PGM5: variants seen among roughly 807,000 people sequenced by gnomAD.
PGM5 encodes phosphoglucomutase 5.
In PGM5, 23 loss-of-function variants were observed where a neutral mutation model predicts 59.2. That is an observed-to-expected ratio of 0.39 (90% CI 0.28 to 0.55). The LOEUF is 0.55. Ranked by LOEUF, PGM5 falls within the 20% of genes least tolerant of loss-of-function variation. PGM5 has a pLI of 0.66. For missense variants in PGM5, 574 were observed against 748.3 expected (o/e 0.77, Z 2.72); for synonymous variants, 214 against 286.0 (o/e 0.75, Z 2.54).
At chr9:68,475,993 C>G (rs1356851138) in intron 7 of PGM5, among the ~76,000 whole-genome samples, 3 of 152,184 alleles carry the variant, frequency 2.0e-5, no homozygotes, top group African/African-American at 4.8e-5. Flanking sequence ...TGTACTCCAG[C>G]CTGGGTGACA....
At chr9:68,415,815 C>CTATCTATCTATCTATA (rs1563999509) in intron 6 of PGM5, among the ~76,000 whole-genome samples, 2 of 60,288 alleles carry the variant, frequency 3.3e-5, no homozygotes, top group Admixed American at 1.9e-4. Flanking sequence ...ATCTATCTAT[C>CTATCTATCTATCTATA]TTATCTATCT....
intron 7 of PGM5, among the ~76,000 whole-genome samples, chr9:68,467,328 T>G (rs1315628217): frequency 6.6e-6 from 1 of 152,248 alleles, no homozygotes; most frequent in Non-Finnish European, 1.5e-5. Flanking sequence ...CTCCTCTTTC[T>G]CCTATGCTTT....
chr9:68,400,804 A>ACAGCAAATACAGCAAATACATCTCAC (rs1822648507), intron 6 of PGM5: 1 of 152,578 alleles, frequency 6.6e-6, no homozygotes, highest in African/African-American at 2.4e-5. Flanking sequence ...AATACAGCTT[A>ACAGCAAATACAGCAAATACATCTCAC]ATCAATGTGA....
At chr9:68,518,929 T>C (rs1824859773) in intron 10 of PGM5, among the ~76,000 whole-genome samples, 2 of 152,206 alleles carry the variant, frequency 1.3e-5, no homozygotes, top group African/African-American at 4.8e-5. Flanking sequence ...GTCAGCCCAC[T>C]GATTCTAGAA....
rs556494706 is a variant in PGM5, at chr9:68,506,388, G to A, written c.1614+7027G>A. On this transcript the variant is annotated intron_variant, in intron 10 of 10. Transcript: ENST00000396396. Reference sequence around the variant, plus strand: ...TTTCTGTTCATAAATGTTATCTGACGTCGTGGCAGCTCCAAGTTGCTCTGA... The same window carrying A: ...TTTCTGTTCATAAATGTTATCTGACATCGTGGCAGCTCCAAGTTGCTCTGA... Among the ~76,000 whole-genome samples, 9 of 152,238 alleles carry A rather than the reference G, an allele frequency of 5.9e-5. No homozygotes were observed. In the East Asian group the frequency reaches 1.2e-3, roughly 20 times the overall value.
chr9:68,413,509 T>G (rs1411498324), intron 6 of PGM5, among the ~76,000 whole-genome samples: 1 of 152,210 alleles, frequency 6.6e-6, no homozygotes, highest in Non-Finnish European at 1.5e-5. Context: ...ATCACTTACC[T>G]AGAATTAATT....
rs141069093 is a variant in PGM5, at chr9:68,380,972, A to G, written c.424+2611A>G. Among the ~76,000 whole-genome samples, 9 of 152,060 alleles carry G rather than the reference A, an allele frequency of 5.9e-5. No homozygotes were observed. The East Asian group carries it at 1.7e-3, about 29-fold the overall frequency. ...TTCCAAAATAGAAAAGCCTAGGACC[A>G]AACGGCTTCATGGCTGAATTTTATC... On this transcript the variant is annotated intron_variant, in intron 2 of 10. Transcript: ENST00000396396.
chr9:68,416,612 T>G (rs12684129), intron 6 of PGM5, among the ~76,000 whole-genome samples: 1 of 152,238 alleles, frequency 6.6e-6, no homozygotes, highest in Non-Finnish European at 1.5e-5. Flanking sequence ...TCTTCTCATT[T>G]GGCGTTGAGA....
intron 6 of PGM5, among the ~76,000 whole-genome samples, chr9:68,404,844 A>G (rs1822764911): frequency 2.0e-5 from 3 of 152,332 alleles, no homozygotes; most frequent in Admixed American, 1.3e-4. Context: ...ATTAGAGAAA[A>G]CTAGCTGAAA....
rs1834652010 is a variant in PGM5, at chr9:68,364,993, C to A, written c.261+7605C>A. Among the ~76,000 whole-genome samples, 4 of 152,210 alleles carry A rather than the reference C, an allele frequency of 2.6e-5. No homozygotes were observed. The South Asian group carries it at 8.3e-4, about 32-fold the overall frequency. ...TCAGCAACATTATGCGTGAAACTTG[C>A]CCTAAGAATTTTCTATAAAACATCT... On this transcript the variant is annotated intron_variant, in intron 1 of 10. Coordinates refer to ENST00000396396, the MANE Select transcript of PGM5 (RefSeq NM_021965.4).
intron 6 of PGM5, among the ~76,000 whole-genome samples, chr9:68,419,464 T>A (rs1383781316): frequency 6.6e-6 from 1 of 152,058 alleles, no homozygotes; most frequent in East Asian, 1.9e-4. Context: ...GAGGAATTGG[T>A]TGTGGGGAGG....
chr9:68,472,368 C>G (rs1824032994), intron 7 of PGM5, among the ~76,000 whole-genome samples: 1 of 141,108 alleles, frequency 7.1e-6, no homozygotes, highest in Non-Finnish European at 1.6e-5. Context: ...CCTGGTTATT[C>G]TTTTGGATGA....
In PGM5 at chr9:68,466,264, C is replaced by CTGTGTG. The variant is rs34965444; in HGVS notation, c.1159+1058_1159+1063dup. ...TTGAAGGAATTCTTCTTCTCCGATA[C>CTGTGTG]TGTGTGTTTTTTTTTTTTTTTTAGC... On this transcript the variant is annotated intron_variant, in intron 7 of 10. Coordinates refer to ENST00000396396, the MANE Select transcript of PGM5 (RefSeq NM_021965.4). 7 of 883,748 alleles carry CTGTGTG rather than the reference C, an allele frequency of 7.9e-6. No individual in the cohort carries two copies. The African/African-American group carries it at 8.7e-5, about 11-fold the overall frequency. The allele number at this position is 883,748 out of a possible 1,614,324, so 54.7% of individuals were successfully genotyped here.
At chr9:68,499,663 C>A (rs1304103945) in intron 10 of PGM5, among the ~76,000 whole-genome samples, 1 of 152,146 alleles carries the variant, frequency 6.6e-6, no homozygotes, top group Non-Finnish European at 1.5e-5. Flanking sequence ...CTTTTATAGA[C>A]AAGGAAATTT....
rs547326725 is a variant in PGM5 at position 68,499,270 on chromosome 9, G to A, written c.1523G>A (p.Arg508Gln). Residue 508 changes from arginine to glutamine, a missense_variant, in exon 10 of 11, where the codon CGG becomes CAG. By Grantham distance (43) the Arg-to-Gln change is conservative. Transcript: ENST00000396396. ...IFSDASRLIF[R>Q]LSSSSGVRAT... is the part of the protein sequence containing the mutation. ...TCGGATGCATCACGGCTCATCTTCC[G>A]GCTCAGTTCCTCCAGTGGTGTGCGG... The A allele has an allele frequency of 3.6e-5, 58 of 1,614,038 alleles. No individual in the cohort carries two copies. Among genetic ancestry groups the A allele is most frequent in the East Asian group, 1.3e-4 (6 of 44,876 alleles).
chr9:68,404,240 C>T (rs1256125229), intron 6 of PGM5, among the ~76,000 whole-genome samples: 2 of 152,140 alleles, frequency 1.3e-5, no homozygotes, highest in African/African-American at 4.8e-5. Context: ...AATTCTCATG[C>T]CTCAGCCTCC....
chr9:68,484,373 C>CAA (rs1188951508), intron 9 of PGM5, among the ~76,000 whole-genome samples: 17 of 106,326 alleles, frequency 1.6e-4, no homozygotes, highest in Admixed American at 9.0e-4. Context: ...CCATCTCTAC[C>CAA]AAAAAAAAAA....
At chr9:68,402,556 TA>T (rs1822700026) in intron 6 of PGM5, 1 of 152,184 alleles carries the variant, frequency 6.6e-6, no homozygotes, top group Admixed American at 6.5e-5. Flanking sequence ...GACATAAATA[TA>T]TAGCCTGCAA....
intron 7 of PGM5, chr9:68,466,078 G>A: frequency 4.3e-6 from 5 of 1,158,362 alleles, no homozygotes; most frequent in Non-Finnish European, 5.7e-6. Flanking sequence ...AATTACACAT[G>A]TGTTAGATAA....
Sources: allele counts gnomAD v4.1 joint callset (sites outside exome capture counted in the v4.1 genomes callset), GRCh38; gene constraint gnomAD v4.1.1; transcripts MANE v1.5; gene names NCBI Gene and HGNC (gene_info 2026-07-23, HGNC 2026-07-21).